Variants in GFOD1 observed in about 807,000 individuals in gnomAD.
GFOD1 encodes the protein glucose-fructose oxidoreductase domain-containing protein 1.
A neutral mutation model predicts 25.4 loss-of-function variants in GFOD1; 9 were observed. The ratio of observed to expected loss-of-function variants is 0.35; its 90% confidence interval spans 0.21 to 0.62. GFOD1 has a LOEUF of 0.62. GFOD1 is among the 20% of genes least tolerant of loss of function. The pLI, the probability that GFOD1 is intolerant of heterozygous loss-of-function variation, is 0.72. For synonymous variants in GFOD1, 253 were observed against 245.6 expected (o/e 1.03, Z -0.28); for missense variants, 403 against 556.9 (o/e 0.72, Z 2.78).
intron 1 of GFOD1, among the ~76,000 whole-genome samples, chr6:13,403,526 C>T (rs576481423): frequency 2.7e-4 from 41 of 152,286 alleles, no homozygotes; most frequent in African/African-American, 8.4e-4. Flanking sequence ...GCACTAAATA[C>T]TGTAGGCAAT....
chr6:13,482,649 G>A (rs1758777342), intron 1 of GFOD1, among the ~76,000 whole-genome samples: 1 of 152,138 alleles, frequency 6.6e-6, no homozygotes, highest in South Asian at 2.1e-4. Context: ...TCAGGAGGCT[G>A]AAGCAGGAGA....
At position 13,364,746 on chromosome 6, in the gene GFOD1, A is replaced by C; in HGVS notation, c.1170T>G (p.Cys390Trp). The change falls in exon 2 of 2, where the codon TGT (cysteine) becomes TGG (tryptophan). Residue 390 changes from cysteine to tryptophan, a missense_variant. Physicochemically the swap from Cys to Trp is radical, Grantham distance 215. Transcript: ENST00000379287. The surrounding 1 kb of genome is among the most constrained non-coding windows in gnomAD (Gnocchi z 4.1). ...AMRRSRMSLYC is the reference protein window; with the variant it reads ...AMRRSRMSLYW Reference sequence around the variant, plus strand: ...TCCCCGAGGTTCTCAATCTGTGCTAACAGTAGAGGGACATCCTGCTGCGGC... The same window carrying C: ...TCCCCGAGGTTCTCAATCTGTGCTACCAGTAGAGGGACATCCTGCTGCGGC... The C allele has an allele frequency of 6.2e-7, 1 of 1,609,920 alleles. No homozygotes were observed. The highest frequency in any genetic ancestry group is 1.1e-5 in the South Asian group (1 of 90,994).
intron 1 of GFOD1, among the ~76,000 whole-genome samples, chr6:13,426,201 C>T (rs1283624335): frequency 1.3e-5 from 2 of 152,224 alleles, no homozygotes; most frequent in African/African-American, 4.8e-5. Flanking sequence ...CTCCCTTCTC[C>T]CCTGGCTTGG....
intron 1 of GFOD1, among the ~76,000 whole-genome samples, chr6:13,378,829 T>C (rs1584613973): frequency 6.6e-6 from 1 of 151,798 alleles, no homozygotes; most frequent in Admixed American, 6.6e-5. Context: ...ACACCTAGAG[T>C]GGCCAAAGCC....
intron 1 of GFOD1, among the ~76,000 whole-genome samples, chr6:13,432,689 TA>T (rs1757770135): frequency 6.6e-6 from 1 of 152,172 alleles, no homozygotes. Flanking sequence ...AACACCCAGC[TA>T]CACGGTTTCC....
intron 1 of GFOD1, among the ~76,000 whole-genome samples, chr6:13,440,787 C>T (rs1384517364): frequency 6.6e-6 from 1 of 152,196 alleles, no homozygotes; most frequent in Non-Finnish European, 1.5e-5. Context: ...AAATGCAGAG[C>T]TCTTTAAATA....
At chr6:13,379,350 C>A (rs1195516857) in intron 1 of GFOD1, among the ~76,000 whole-genome samples, 1 of 152,148 alleles carries the variant, frequency 6.6e-6, no homozygotes, top group Admixed American at 6.5e-5. Flanking sequence ...TTCCCAGAAG[C>A]CTTTGCAGCA....
intron 1 of GFOD1, among the ~76,000 whole-genome samples, chr6:13,427,971 C>G (rs147275408): frequency 5.2e-3 from 799 of 152,222 alleles, no homozygotes; most frequent in Non-Finnish European, 9.1e-3. Flanking sequence ...TCGCAAGTCC[C>G]CGATGGAAAG....
At chr6:13,378,864 G>A (rs961691736) in intron 1 of GFOD1, among the ~76,000 whole-genome samples, 1 of 152,178 alleles carries the variant, frequency 6.6e-6, no homozygotes, top group Non-Finnish European at 1.5e-5. Context: ...AAGCAGCCCA[G>A]TGCTCCATGC....
chr6:13,409,187 A>AG lies in GFOD1; in HGVS notation c.254-43526_254-43525insC, dbSNP rs1562209590. ...GAAAGGAAAGAGAGAGAGAGAGAGA[A>AG]AGAAAGAAAGAAAGAGAAAGAAGGA... On this transcript the variant is annotated intron_variant, in intron 1 of 1. Transcript: ENST00000379287. 1.4e-4 allele frequency among the ~76,000 whole-genome samples: 8 copies of AG among 57,866 alleles called. 2 individuals are homozygous for AG. Among genetic ancestry groups the AG allele is most frequent in the Non-Finnish European group, 9.5e-5 (2 of 21,164 alleles). 38.0% of individuals were successfully genotyped at this position (57,866 alleles called of 152,430 possible).
intron 1 of GFOD1, among the ~76,000 whole-genome samples, chr6:13,441,733 A>C (rs1307539496): frequency 6.6e-6 from 1 of 152,278 alleles, no homozygotes; most frequent in Non-Finnish European, 1.5e-5. Flanking sequence ...CTGGTCACAA[A>C]AATATCACCA....
chr6:13,377,854 C>G (rs1432424696), intron 1 of GFOD1, among the ~76,000 whole-genome samples: 1 of 152,150 alleles, frequency 6.6e-6, no homozygotes, highest in Non-Finnish European at 1.5e-5. Flanking sequence ...TTTCTGAGTT[C>G]CTTCAGTAGT....
chr6:13,451,844 A>C (rs1217706067), intron 1 of GFOD1, among the ~76,000 whole-genome samples: 4 of 152,148 alleles, frequency 2.6e-5, no homozygotes, highest in Non-Finnish European at 4.4e-5. Context: ...TGTGTGTTCC[A>C]TGTCATGTTT....
intron 1 of GFOD1, chr6:13,470,530 G>A: frequency 1.3e-6 from 2 of 1,549,158 alleles, no homozygotes; most frequent in Non-Finnish European, 1.7e-6. Context: ...CCATGTGGGG[G>A]TGCTGGAGGG....
intron 1 of GFOD1, among the ~76,000 whole-genome samples, chr6:13,478,849 T>C (rs1371898615): frequency 6.6e-6 from 1 of 152,154 alleles, no homozygotes; most frequent in Non-Finnish European, 1.5e-5. Context: ...GGTTTCCAGG[T>C]ATCTACTAAA....
intron 1 of GFOD1, among the ~76,000 whole-genome samples, chr6:13,402,777 C>T (rs1442327159): frequency 6.6e-6 from 1 of 152,184 alleles, no homozygotes. Flanking sequence ...GGCAACTCCT[C>T]AAAAAGTTAA....
At chr6:13,458,658 G>A (rs997646201) in intron 1 of GFOD1, among the ~76,000 whole-genome samples, 4 of 146,152 alleles carry the variant, frequency 2.7e-5, no homozygotes, top group African/African-American at 9.9e-5. Flanking sequence ...TAGGGTTGTT[G>A]GGACCTTAGA....
intron 1 of GFOD1, among the ~76,000 whole-genome samples, chr6:13,444,773 T>C (rs1757977255): frequency 6.6e-6 from 1 of 152,202 alleles, no homozygotes; most frequent in African/African-American, 2.4e-5. Context: ...AACATAACTT[T>C]TATATGCACT....
At chr6:13,408,433 T>C (rs1170120875) in intron 1 of GFOD1, among the ~76,000 whole-genome samples, 1 of 152,178 alleles carries the variant, frequency 6.6e-6, no homozygotes, top group Non-Finnish European at 1.5e-5. Context: ...GAGAATAGCT[T>C]TTCTACTGAT....
Sources: allele counts gnomAD v4.1 joint callset (sites outside exome capture counted in the v4.1 genomes callset), GRCh38; gene constraint gnomAD v4.1.1; non-coding constraint Gnocchi (gnomAD v3.1); transcripts MANE v1.5; gene names NCBI Gene and HGNC (gene_info 2026-07-23, HGNC 2026-07-21).